VPS13A: variants seen among roughly 807,000 people sequenced by gnomAD.
VPS13A encodes vacuolar protein sorting 13 homolog A.
VPS13A carries 264 observed loss-of-function variants against 390.9 expected under a neutral mutation model. That is an observed-to-expected ratio of 0.68 (90% confidence interval 0.61 to 0.75). VPS13A has a LOEUF of 0.75. Ranked by LOEUF, VPS13A falls within the 30% of genes least tolerant of loss-of-function variation. The probability of loss-of-function intolerance (pLI) is 0.00; values close to 1 mark genes in which losing one functional copy is unlikely to be tolerated. For missense variants in VPS13A, 3,409 were observed against 3,733.9 expected, an observed-to-expected ratio of 0.91 and a Z score of 2.27; for synonymous variants, 1,231 against 1,227.1, an observed-to-expected ratio of 1.00 and a Z score of -0.07.
chr9:77,395,369 C>T (rs1834079822), intron 68 of VPS13A, among the ~76,000 whole-genome samples: 1 of 152,112 alleles, frequency 6.6e-6, no homozygotes, highest in African/African-American at 2.4e-5. Context: ...AGATTAAGTT[C>T]ACTCTCTATG....
At chr9:77,276,042 T>G (rs952331512) in intron 25 of VPS13A, 23 bp from the exon 26 acceptor site, 2 of 1,608,178 alleles carry the variant, frequency 1.2e-6, no homozygotes, top group African/African-American at 2.7e-5. Context: ...GTAGTGGTAA[T>G]TTCTTTTTTC....
At chr9:77,319,491 A>G in intron 41 of VPS13A, 81 bp from the exon 42 acceptor site, 3 of 942,930 alleles carry the variant, frequency 3.2e-6, no homozygotes, top group Non-Finnish European at 5.0e-6. Context: ...TGGTTTTTAT[A>G]TAGAAGAAAT....
At chr9:77,357,874 C>A in intron 56 of VPS13A, 36 bp downstream of exon 56, 2 of 1,554,666 alleles carry the variant, frequency 1.3e-6, no homozygotes, top group African/African-American at 1.4e-5. Context: ...AAATTGTATT[C>A]TAAAGGAATG....
At chr9:77,255,186 C>T (rs1030995149) in intron 22 of VPS13A, among the ~76,000 whole-genome samples, 9 of 152,124 alleles carry the variant, frequency 5.9e-5, no homozygotes, top group African/African-American at 2.2e-4. Context: ...AGTTTGCTAA[C>T]TTTTTATTAT....
intron 39 of VPS13A, 71 bp downstream of exon 39, chr9:77,316,477 A>G: frequency 7.7e-7 from 1 of 1,297,116 alleles, no homozygotes; most frequent in Admixed American, 1.8e-5. Flanking sequence ...TTTAGGAAAC[A>G]AAAACTACCT....
chr9:77,298,659 C>A (rs368808514), intron 33 of VPS13A, among the ~76,000 whole-genome samples: 2 of 152,024 alleles, frequency 1.3e-5, no homozygotes, highest in African/African-American at 4.8e-5. Flanking sequence ...GATTGAGAAT[C>A]ATGTTGATGG....
intron 45 of VPS13A, among the ~76,000 whole-genome samples, chr9:77,331,581 G>A (rs1209625443): frequency 6.6e-6 from 1 of 151,780 alleles, no homozygotes; most frequent in Non-Finnish European, 1.5e-5. Context: ...TAGGCTTTTT[G>A]AGTGTGGTGG....
chr9:77,317,143 A>C (rs1829445839), intron 39 of VPS13A, among the ~76,000 whole-genome samples: 1 of 152,082 alleles, frequency 6.6e-6, no homozygotes, highest in Non-Finnish European at 1.5e-5. Flanking sequence ...GATACAATGA[A>C]TACATATATA....
rs762741242 is a variant in VPS13A at position 77,345,016 on chromosome 9, G to GTAT, written c.7167_7169dup (p.Ile2390dup). On this transcript the variant is annotated inframe_insertion, in exon 52 of 72. Coordinates refer to ENST00000360280, the MANE Select transcript of VPS13A (RefSeq NM_033305.3). The stretch of plus-strand genomic sequence containing the variant: ...TCTTTTTCTTTCTTCTAGCTTGGAG[G>GTAT]TATTATAGCAGAAGTGAATTTGGCC... 6.2e-7 allele frequency: 1 copy of GTAT among 1,611,820 alleles called. No homozygotes were observed.
chr9:77,293,804 A>G (rs957979830), intron 32 of VPS13A, among the ~76,000 whole-genome samples: 4 of 152,070 alleles, frequency 2.6e-5, no homozygotes, highest in African/African-American at 7.2e-5. Flanking sequence ...TTTATATGTC[A>G]TTGGCTTAAG....
chr9:77,295,815 A>G lies in VPS13A; in HGVS notation c.3781A>G (p.Thr1261Ala), dbSNP rs1827959711. 7 of 1,613,884 alleles carry G rather than the reference A, an allele frequency of 4.3e-6. No homozygotes were observed. Among genetic ancestry groups the G allele is most frequent in the Non-Finnish European group, 5.9e-6 (7 of 1,179,942 alleles). The change falls in exon 33 of 72, where the codon ACA becomes GCA. Residue 1261 changes from threonine (T) to alanine (A), a missense_variant. By Grantham distance (58) the Thr-to-Ala change is moderately conservative. Coordinates refer to ENST00000360280, the MANE Select transcript of VPS13A (RefSeq NM_033305.3). ...SSPPPVIDLITIKLSEMRLYR... is the reference protein window; with the variant it reads ...SSPPPVIDLIAIKLSEMRLYR... ...TCCCCCACCTGTTATTGATTTGATA[A>G]CAATAAAGCTGAGTGAAATGCGACT...
chr9:77,226,542 T>C lies in VPS13A; in HGVS notation c.1301T>C (p.Leu434Pro). The change falls in exon 15 of 72, where the codon CTA becomes CCA. Residue 434 changes from leucine to proline, a missense_variant. Physicochemically the swap from Leu to Pro is moderately conservative, Grantham distance 98. Transcript: ENST00000360280. ...GATAATAAAGGGTGGTTTAGCTGGC[T>C]ATGGTCTTGGTCAGAACAAAATACT... ...PEDNKGWFSWLWSWSEQNTNE... is the reference protein window; with the variant it reads ...PEDNKGWFSWPWSWSEQNTNE... 6.2e-7 allele frequency: 1 copy of C among 1,613,296 alleles called. No homozygotes were observed. Among genetic ancestry groups the C allele is most frequent in the Non-Finnish European group, 8.5e-7 (1 of 1,179,506 alleles).
intron 19 of VPS13A, among the ~76,000 whole-genome samples, chr9:77,241,259 A>G (rs992840094): frequency 2.6e-5 from 4 of 151,942 alleles, no homozygotes; most frequent in African/African-American, 9.7e-5. Context: ...CTTCTAATTT[A>G]TCTTCTCATT....
Position 77,316,347 on chromosome 9 carries a change from G to C in VPS13A, c.4804G>C (p.Asp1602His), listed in dbSNP as rs762743734. ...ENSTMTAAIK[D>H]LQVRACPFLP... is the part of the protein sequence containing the mutation. ...TAGTACAATGACTGCTGCCATTAAAGATCTCCAAGTGAGAGCCTGCCCGTT... is the reference window on the plus strand; with the variant it reads ...TAGTACAATGACTGCTGCCATTAAACATCTCCAAGTGAGAGCCTGCCCGTT... Residue 1602 changes from aspartate (D) to histidine (H), a missense_variant, in exon 39 of 72, where the codon GAT becomes CAT. Physicochemically the swap from Asp to His is moderately conservative, Grantham distance 81. This residue lies in a region of VPS13A where 2,717 missense variants were observed against 2,917.4 expected (regional missense o/e 0.93). Transcript: ENST00000360280. 3.1e-6 allele frequency: 5 copies of C among 1,613,130 alleles called. No individual in the cohort carries two copies.
At chr9:77,399,849 G>A (rs1490685134) in intron 68 of VPS13A, among the ~76,000 whole-genome samples, 3 of 152,166 alleles carry the variant, frequency 2.0e-5, no homozygotes, top group African/African-American at 7.2e-5. Context: ...TATATGCACA[G>A]ATACATGTAC....
In VPS13A at chr9:77,368,238, C is replaced by T; in HGVS notation, c.8553+102C>T. 3 of 904,012 alleles carry T rather than the reference C, an allele frequency of 3.3e-6. No homozygotes were observed. In the South Asian group the frequency reaches 4.6e-5, roughly 14 times the overall value. The allele number at this position is 904,012 out of a possible 1,614,324, so 56.0% of individuals were successfully genotyped here. ...GTGGAACTATTGAGGAACTAAATAG[C>T]CATTTTCAAATTATTAAAGCATGGG... On this transcript the variant is annotated intron_variant, in intron 62 of 71. Coordinates refer to ENST00000360280, the MANE Select transcript of VPS13A (RefSeq NM_033305.3).
intron 33 of VPS13A, among the ~76,000 whole-genome samples, chr9:77,296,306 T>C (rs1176570947): frequency 1.3e-5 from 2 of 152,174 alleles, no homozygotes; most frequent in East Asian, 3.8e-4. Flanking sequence ...AAGCATAGGG[T>C]TAGGAATTAG....
At position 77,308,297 on chromosome 9, in the gene VPS13A, G is replaced by A. The variant is rs561903030; in HGVS notation, c.4114+199G>A. On this transcript the variant is annotated intron_variant, in intron 35 of 71. Coordinates refer to ENST00000360280, the MANE Select transcript of VPS13A (RefSeq NM_033305.3). Reference sequence around the variant, plus strand: ...GTTTCTAATCAGCTAATTCCATTCAGACATCTCTAAATTGTCTATGTTATT... The same window carrying A: ...GTTTCTAATCAGCTAATTCCATTCAAACATCTCTAAATTGTCTATGTTATT... 1.6e-3 allele frequency among the ~76,000 whole-genome samples: 245 copies of A among 151,820 alleles called. 1 individual carries two copies. Among genetic ancestry groups the A allele is most frequent in the Non-Finnish European group, 2.9e-3 (195 of 67,988 alleles).
chr9:77,344,232 T>C lies in VPS13A; in HGVS notation c.7106T>C (p.Ile2369Thr). 1 of 1,613,538 alleles carries C rather than the reference T, an allele frequency of 6.2e-7. No homozygotes were observed. The highest frequency in any genetic ancestry group is 1.7e-4 in the Middle Eastern group (1 of 6,058). Residue 2369 changes from isoleucine to threonine, a missense_variant, in exon 51 of 72, where the codon ATA becomes ACA. Coordinates refer to ENST00000360280, the MANE Select transcript of VPS13A (RefSeq NM_033305.3). Reference sequence around the variant, plus strand: ...AGGAGTGAAGATCCTCCCAAAAGGATATATTTTAACAAGCAGGAAAATTGT... The same window carrying C: ...AGGAGTGAAGATCCTCCCAAAAGGACATATTTTAACAAGCAGGAAAATTGT... ...VERSEDPPKR[I>T]YFNKQENCIL... is the part of the protein sequence containing the mutation.
Sources: gnomAD v4.1 joint callset for allele counts (sites outside exome capture counted in the v4.1 genomes callset) on GRCh38, gnomAD v4.1.1 for gene constraint, gnomAD v4.1.1 regional missense constraint, MANE v1.5 for transcripts, NCBI Gene and HGNC (gene_info 2026-07-23, HGNC 2026-07-21) for gene names.